Variants in DIAPH2 observed in about 807,000 individuals in gnomAD.
The protein encoded by DIAPH2 is diaphanous related formin 2.
In DIAPH2, 35 loss-of-function variants were observed where a neutral mutation model predicts 92.7. The observed-to-expected ratio is 0.38, with a 90% CI of 0.29 to 0.50. The LOEUF (loss-of-function observed/expected upper bound fraction) is 0.50. DIAPH2 is among the 20% of genes least tolerant of loss of function. The pLI, the probability that DIAPH2 is intolerant of heterozygous loss-of-function variation, is 0.94. For missense variants in DIAPH2, 701 were observed against 819.5 expected, an observed-to-expected ratio of 0.86 and a Z score of 1.77; for synonymous variants, 301 against 280.4, an observed-to-expected ratio of 1.07 and a Z score of -0.73.
intron 13 of DIAPH2, 122 bp downstream of exon 13, chrX:96,942,258 G>A: frequency 2.1e-6 from 1 of 474,743 alleles, no homozygotes; most frequent in Non-Finnish European, 3.7e-6. Flanking sequence ...ATTCATATCT[G>A]GTAAATCATT....
At chrX:97,456,101 C>A (rs892618665) in intron 26 of DIAPH2, among the ~76,000 whole-genome samples, 1 of 112,279 alleles carries the variant, frequency 8.9e-6, no homozygotes, top group Non-Finnish European at 1.9e-5. Flanking sequence ...TAAAAGCAAT[C>A]CTCAGGCCGG....
In DIAPH2 at chrX:97,370,844, G is replaced by A. The variant is rs188624313; in HGVS notation, c.3010-13065G>A. On this transcript the variant is annotated intron_variant, in intron 24 of 26. Transcript: ENST00000324765. ...TTTCATTTGATTCAGAGGTTAATTC[G>A]GAACGAGGAGTTTCAATTACAGTGT... Among the ~76,000 whole-genome samples, 21 of 111,795 alleles carry A rather than the reference G, an allele frequency of 1.9e-4. No individual in the cohort carries two copies. The East Asian group carries it at 4.2e-3, about 22-fold the overall frequency.
intron 17 of DIAPH2, 130 bp from the exon 18 acceptor site, chrX:97,072,811 C>A: frequency 2.5e-6 from 1 of 402,490 alleles, no homozygotes; most frequent in Non-Finnish European, 4.2e-6. Flanking sequence ...CTTCCTTGAG[C>A]TAATGAAATC....
intron 26 of DIAPH2, among the ~76,000 whole-genome samples, chrX:97,589,003 A>ATATATATATATATG (rs1381884493): frequency 1.5e-5 from 1 of 66,868 alleles, no homozygotes; most frequent in Non-Finnish European, 3.0e-5. Context: ...AGAAATATAT[A>ATATATATATATATG]TATATATATA....
intron 1 of DIAPH2, among the ~76,000 whole-genome samples, chrX:96,709,753 C>T (rs182106960): frequency 1.6e-3 from 177 of 111,875 alleles, no homozygotes; most frequent in South Asian, 0.015. Flanking sequence ...TATGAAATGA[C>T]GTTCTAGTTA....
intron 23 of DIAPH2, among the ~76,000 whole-genome samples, chrX:97,310,402 G>C (rs1037869974): frequency 1.8e-5 from 2 of 111,914 alleles, no homozygotes; most frequent in African/African-American, 3.2e-5. Context: ...AAATGCCATA[G>C]GGTATAAAAG....
intron 4 of DIAPH2, among the ~76,000 whole-genome samples, chrX:96,803,989 A>G (rs1216128690): frequency 9.0e-6 from 1 of 111,648 alleles, no homozygotes; most frequent in Non-Finnish European, 1.9e-5. Context: ...CAGTGAACCG[A>G]GATTGCGCCA....
At chrX:96,892,566 A>G (rs1248072245) in intron 5 of DIAPH2, among the ~76,000 whole-genome samples, 5 of 111,977 alleles carry the variant, frequency 4.5e-5, no homozygotes, top group African/African-American at 1.6e-4. Context: ...TGGAAATTTT[A>G]ATTATATACT....
intron 26 of DIAPH2, among the ~76,000 whole-genome samples, chrX:97,440,826 A>G (rs1033156222): frequency 3.6e-5 from 4 of 110,343 alleles, no homozygotes; most frequent in Non-Finnish European, 7.6e-5. Flanking sequence ...GGGAGACTCA[A>G]ATAGGATGTA....
At chrX:97,337,286 G>C (rs2069072356) in intron 23 of DIAPH2, among the ~76,000 whole-genome samples, 1 of 110,875 alleles carries the variant, frequency 9.0e-6, no homozygotes, top group Non-Finnish European at 1.9e-5. Flanking sequence ...CCCCAGAAGG[G>C]ATTATGGACT....
intron 26 of DIAPH2, among the ~76,000 whole-genome samples, chrX:97,548,746 A>G (rs1213766783): frequency 8.0e-5 from 9 of 112,455 alleles, no homozygotes; most frequent in Non-Finnish European, 1.5e-4. Flanking sequence ...AAAGTCTAAT[A>G]TAACTTGGTC....
chrX:96,832,149 G>C (rs1032293912), intron 4 of DIAPH2, among the ~76,000 whole-genome samples: 3 of 111,562 alleles, frequency 2.7e-5, no homozygotes, highest in Non-Finnish European at 3.8e-5. Context: ...GTGTGTACTT[G>C]GATTTATATT....
chrX:96,857,064 A>G (rs999732308), intron 4 of DIAPH2, among the ~76,000 whole-genome samples: 6 of 110,642 alleles, frequency 5.4e-5, no homozygotes, highest in Non-Finnish European at 1.1e-4. Context: ...TGGTGTTTGC[A>G]CTTGAGGAGT....
intron 1 of DIAPH2, among the ~76,000 whole-genome samples, chrX:96,718,332 C>CTTTTT (rs1569373693): frequency 5.9e-4 from 4 of 6,833 alleles, no homozygotes; most frequent in African/African-American, 2.6e-3. Context: ...ACCACATTTT[C>CTTTTT]TTTGTTTTTT....
intron 23 of DIAPH2, among the ~76,000 whole-genome samples, chrX:97,301,091 CAGG>C (rs1419232507): frequency 3.0e-5 from 3 of 98,692 alleles, no homozygotes; most frequent in Non-Finnish European, 6.0e-5. Context: ...ATTACAAAGT[CAGG>C]AGATCGACAT....
Position 97,448,621 on chromosome X carries a change from TG to T in DIAPH2, c.3241+18877del, listed in dbSNP as rs2070332923. 2.7e-5 allele frequency among the ~76,000 whole-genome samples: 3 copies of T among 112,221 alleles called. No individual in the cohort carries two copies. The South Asian group carries it at 1.1e-3, about 41-fold the overall frequency. On this transcript the variant is annotated intron_variant, in intron 26 of 26. Transcript: ENST00000324765. ...CTTTATGGAAAGAGAAATAAAGTTT[TG>T]AAATAAAAGGAAATAAGCCTACTTT...
chrX:97,090,469 GATCT>G (rs1475512885), intron 19 of DIAPH2, among the ~76,000 whole-genome samples: 1 of 109,456 alleles, frequency 9.1e-6, no homozygotes, highest in Admixed American at 9.7e-5. Flanking sequence ...CTGTCCCCCT[GATCT>G]CATTCTTTCT....
chrX:97,187,654 A>G (rs1250318487), intron 22 of DIAPH2, among the ~76,000 whole-genome samples: 1 of 110,586 alleles, frequency 9.0e-6, no homozygotes, highest in Non-Finnish European at 1.9e-5. Flanking sequence ...AATTATAGAC[A>G]GTTCGCTGGT....
chrX:96,702,443 G>C (rs1267831786), intron 1 of DIAPH2, among the ~76,000 whole-genome samples: 3 of 112,376 alleles, frequency 2.7e-5, no homozygotes, highest in Non-Finnish European at 5.6e-5. Flanking sequence ...ATACAAACCT[G>C]TGGTGCTGGG....
Sources: gnomAD v4.1 joint callset for allele counts (sites outside exome capture counted in the v4.1 genomes callset) on GRCh38, gnomAD v4.1.1 for gene constraint, MANE v1.5 for transcripts, NCBI Gene and HGNC (gene_info 2026-07-23, HGNC 2026-07-21) for gene names.